Variants in XPNPEP1 observed in about 807,000 individuals in gnomAD.
The protein encoded by XPNPEP1 is xaa-Pro aminopeptidase 1.
XPNPEP1 carries 39 observed loss-of-function variants against 92.4 expected under a neutral mutation model. The ratio of observed to expected loss-of-function variants is 0.42; its 90% CI spans 0.33 to 0.55. The LOEUF (loss-of-function observed/expected upper bound fraction) is 0.55. Among genes scored for constraint, XPNPEP1 ranks in the 20% least tolerant of loss-of-function variants. XPNPEP1 has a pLI of 0.08. For missense variants in XPNPEP1, 654 were observed against 856.1 expected (o/e 0.76, Z 2.95); for synonymous variants, 307 against 299.4 (o/e 1.03, Z -0.26).
intron 5 of XPNPEP1, chr10:109,891,496 A>C (rs1241716386): frequency 2.5e-6 from 1 of 400,428 alleles, no homozygotes; most frequent in African/African-American, 2.1e-5. Context: ...TCTAGCCCTC[A>C]GTTTCCCCTC....
At chr10:109,919,727 G>T (rs1190436424) in intron 1 of XPNPEP1, among the ~76,000 whole-genome samples, 1 of 152,220 alleles carries the variant, frequency 6.6e-6, no homozygotes, top group African/African-American at 2.4e-5. Flanking sequence ...ATAATGGAAT[G>T]TTCTTTGCCA....
chr10:109,915,547 C>T (rs1439990318), intron 1 of XPNPEP1, among the ~76,000 whole-genome samples: 4 of 151,890 alleles, frequency 2.6e-5, no homozygotes, highest in Non-Finnish European at 5.9e-5. Context: ...GACTAACCCT[C>T]ATGTTTGCTA....
intron 2 of XPNPEP1, among the ~76,000 whole-genome samples, chr10:109,914,010 A>G (rs947546292): frequency 6.6e-6 from 1 of 152,144 alleles, no homozygotes; most frequent in Non-Finnish European, 1.5e-5. Context: ...ATGCAATTAT[A>G]GCACTGATCT....
intron 19 of XPNPEP1, among the ~76,000 whole-genome samples, chr10:109,869,037 CT>C (rs562462640): frequency 6.0e-4 from 92 of 152,304 alleles, no homozygotes; most frequent in African/African-American, 1.8e-3. Context: ...TTAGGGGCAT[CT>C]CTGGTTTTGG....
In XPNPEP1 at chr10:109,873,442, G is replaced by A. The variant is rs988513291; in HGVS notation, c.1392-15C>T. 6.2e-7 allele frequency: 1 copy of A among 1,613,934 alleles called. No homozygotes were observed. Among genetic ancestry groups the A allele is most frequent in the Non-Finnish European group, 8.5e-7 (1 of 1,179,970 alleles). On this transcript the variant is annotated splice_polypyrimidine_tract_variant and intron_variant, in intron 15 of 20. Transcript: ENST00000502935. ...TGGTGCCATCCCTTTCCAAAAAAAG[G>A]ACAAATTGGTTTCCCGTCAAAATAA...
intron 14 of XPNPEP1, chr10:109,875,852 T>C: frequency 2.7e-6 from 1 of 373,660 alleles, no homozygotes; most frequent in Non-Finnish European, 5.0e-6. Flanking sequence ...TTTCTTTATG[T>C]CTACCTCTGT....
chr10:109,868,198 C>T (rs555910582), intron 20 of XPNPEP1, among the ~76,000 whole-genome samples: 2 of 152,270 alleles, frequency 1.3e-5, no homozygotes, highest in South Asian at 2.1e-4. Context: ...CTTAATGTTT[C>T]ATGTAACACA....
chr10:109,908,987 G>A (rs955774392), intron 2 of XPNPEP1, among the ~76,000 whole-genome samples: 1 of 152,008 alleles, frequency 6.6e-6, no homozygotes, highest in Non-Finnish European at 1.5e-5. Context: ...TATGGCGGGA[G>A]TGGCCGGGTG....
At chr10:109,894,841 G>A (rs1270005194) in intron 3 of XPNPEP1, among the ~76,000 whole-genome samples, 1 of 152,192 alleles carries the variant, frequency 6.6e-6, no homozygotes, top group Non-Finnish European at 1.5e-5. Flanking sequence ...TCGGTCAACA[G>A]CACTAAGGAA....
At chr10:109,871,428 G>A (rs904912549) in intron 17 of XPNPEP1, among the ~76,000 whole-genome samples, 3 of 152,180 alleles carry the variant, frequency 2.0e-5, no homozygotes, top group South Asian at 2.1e-4. Context: ...TAAGAATCCC[G>A]AAAGGAAGCA....
At chr10:109,918,528 G>A (rs925393161) in intron 1 of XPNPEP1, among the ~76,000 whole-genome samples, 1 of 152,142 alleles carries the variant, frequency 6.6e-6, no homozygotes, top group Admixed American at 6.5e-5. Flanking sequence ...TTGGGAGGCC[G>A]AGGTGGGCAG....
chr10:109,877,213 CA>C (rs1847833021), intron 14 of XPNPEP1: 1 of 153,470 alleles, frequency 6.5e-6, no homozygotes, highest in Non-Finnish European at 1.4e-5. Context: ...CCTGTAATTC[CA>C]GCACTTTAGG....
At position 109,907,891 on chromosome 10, in the gene XPNPEP1, G is replaced by A. The variant is rs560514590; in HGVS notation, c.122-76C>T. The stretch of plus-strand genomic sequence containing the variant: ...AACGTCCAGTTCGAAGTGGGCCACA[G>A]AGAGAAGTGCCTTCTACGTTCTGCC... On this transcript the variant is annotated intron_variant, in intron 2 of 20. Transcript: ENST00000502935. The A allele has an allele frequency of 4.4e-6, 7 of 1,585,332 alleles. No homozygotes were observed. In the African/African-American group the frequency reaches 9.4e-5, roughly 21 times the overall value.
chr10:109,913,364 C>T (rs1352254581), intron 2 of XPNPEP1, among the ~76,000 whole-genome samples: 1 of 152,206 alleles, frequency 6.6e-6, no homozygotes, highest in Non-Finnish European at 1.5e-5. Flanking sequence ...GGATCTGAAG[C>T]ACCAGCTGGA....
At chr10:109,880,748 A>C (rs1381709820) in intron 11 of XPNPEP1, 94 bp downstream of exon 11, 1 of 1,254,888 alleles carries the variant, frequency 8.0e-7, no homozygotes, top group Non-Finnish European at 1.1e-6. Flanking sequence ...AGAGATTCTA[A>C]CCTTGTGCCA....
intron 3 of XPNPEP1, among the ~76,000 whole-genome samples, chr10:109,899,950 G>A (rs1382740021): frequency 6.6e-6 from 1 of 152,256 alleles, no homozygotes; most frequent in African/African-American, 2.4e-5. Flanking sequence ...GTACATGAAA[G>A]TATCCAGATT....
In XPNPEP1 at chr10:109,904,124, C is replaced by T. The variant is rs12242457; in HGVS notation, c.246+3567G>A. On this transcript the variant is annotated intron_variant, in intron 3 of 20. Coordinates refer to ENST00000502935, the MANE Select transcript of XPNPEP1 (RefSeq NM_020383.4). ...CCTTCCAAAATGCTCGGATTACAGGCGTGAGCCACCACACCCAGCCTGAAG... is the reference window on the plus strand; with the variant it reads ...CCTTCCAAAATGCTCGGATTACAGGTGTGAGCCACCACACCCAGCCTGAAG... Among the ~76,000 whole-genome samples the T allele has an allele frequency of 6.7e-3, 1,011 of 151,362 alleles. 13 individuals carry two copies. Among genetic ancestry groups the T allele is most frequent in the African/African-American group, 0.023 (942 of 41,144 alleles).
rs185869506 is a variant in XPNPEP1, at chr10:109,864,837, T to C, written c.*347A>G. ...AGCATTAAGGTGATCATGAATGATG[T>C]ACTAGCACCTGGAACATGACCATCA... is the stretch of plus-strand genomic sequence containing the variant. On this transcript the variant is annotated 3_prime_UTR_variant, in exon 21 of 21. Transcript: ENST00000502935. 39 of 314,944 alleles carry C rather than the reference T, an allele frequency of 1.2e-4. No homozygotes were observed. In the Admixed American group the frequency reaches 1.6e-3, roughly 13 times the overall value. 19.5% of individuals were successfully genotyped at this position (314,944 alleles called of 1,614,324 possible). A position where few individuals can be genotyped will look rare whatever the true frequency, so the allele number is the denominator to read the frequency against.
chr10:109,868,260 C>G (rs1847247689), intron 20 of XPNPEP1, among the ~76,000 whole-genome samples: 1 of 152,090 alleles, frequency 6.6e-6, no homozygotes, highest in African/African-American at 2.4e-5. Context: ...ATCCATCTGG[C>G]TTTTTGTAGG....
Sources: allele counts gnomAD v4.1 joint callset (sites outside exome capture counted in the v4.1 genomes callset), GRCh38; gene constraint gnomAD v4.1.1; transcripts MANE v1.5; gene names NCBI Gene and HGNC (gene_info 2026-07-23, HGNC 2026-07-21).